PRKCE: variants seen among roughly 807,000 people sequenced by gnomAD.
PRKCE encodes protein kinase C epsilon, also known as protein kinase C epsilon type.
A neutral mutation model predicts 85.4 loss-of-function variants in PRKCE; 16 were observed. That is an observed-to-expected ratio of 0.19 (90% confidence interval 0.13 to 0.28). The LOEUF is 0.28. PRKCE is among the 10% of genes least tolerant of loss of function. PRKCE has a pLI of 1.00. For missense variants in PRKCE, 573 were observed against 975.2 expected, an observed-to-expected ratio of 0.59 and a Z score of 5.49; for synonymous variants, 388 against 371.5, an observed-to-expected ratio of 1.04 and a Z score of -0.51.
intron 2 of PRKCE, among the ~76,000 whole-genome samples, chr2:45,865,851 T>G (rs1693560881): frequency 6.9e-6 from 1 of 143,956 alleles, no homozygotes; most frequent in Admixed American, 7.2e-5. Context: ...GAGTTCTCAC[T>G]CTGTCATCCA....
chr2:45,863,780 T>C (rs1018917063), intron 2 of PRKCE, among the ~76,000 whole-genome samples: 2 of 151,892 alleles, frequency 1.3e-5, no homozygotes, highest in Non-Finnish European at 2.9e-5. Flanking sequence ...CAAGTGGTCA[T>C]GATAGCAGGC....
intron 10 of PRKCE, among the ~76,000 whole-genome samples, chr2:46,064,501 C>G (rs551741574): frequency 2.6e-5 from 4 of 152,258 alleles, no homozygotes; most frequent in African/African-American, 9.6e-5. Context: ...AAAGGACAGT[C>G]TTGGCAATAA....
Position 46,159,367 on chromosome 2 carries a change from C to T in PRKCE, c.1921-239C>T, listed in dbSNP as rs1677532729. On this transcript the variant is annotated intron_variant, in intron 13 of 14. Transcript: ENST00000306156. This position sits in a 1 kb window ranked among gnomAD's most constrained non-coding sequence, Gnocchi z 4.1. ...TAATATAGAGACAATGATAGTACCT[C>T]GTAGGGCATTAGGATGAAATGAGTT... Among the ~76,000 whole-genome samples, 1 of 152,128 alleles carries T rather than the reference C, an allele frequency of 6.6e-6. No homozygotes were observed. Among genetic ancestry groups the T allele is most frequent in the African/African-American group, 2.4e-5 (1 of 41,422 alleles).
intron 1 of PRKCE, among the ~76,000 whole-genome samples, chr2:45,728,137 A>G (rs1681245378): frequency 6.6e-6 from 1 of 152,186 alleles, no homozygotes; most frequent in South Asian, 2.1e-4. Flanking sequence ...GTGTGACTCC[A>G]CATCCTTTCA....
At chr2:45,832,746 G>C (rs775491161) in intron 1 of PRKCE, among the ~76,000 whole-genome samples, 6 of 152,106 alleles carry the variant, frequency 3.9e-5, no homozygotes, top group Non-Finnish European at 5.9e-5. Context: ...GGAAGCATTG[G>C]GTCTCCACTT....
intron 14 of PRKCE, among the ~76,000 whole-genome samples, chr2:46,168,187 A>G (rs1678536759): frequency 6.6e-6 from 1 of 152,150 alleles, no homozygotes; most frequent in Non-Finnish European, 1.5e-5. Context: ...GGGCACTTTC[A>G]TAAGCTCCTA....
intron 2 of PRKCE, among the ~76,000 whole-genome samples, chr2:45,856,913 A>G (rs1207223055): frequency 6.6e-6 from 1 of 152,192 alleles, no homozygotes; most frequent in Non-Finnish European, 1.5e-5. Flanking sequence ...ATAATATTCC[A>G]TTGTGCTGAT....
At chr2:45,989,257 G>A (rs1410097825) in intron 6 of PRKCE, among the ~76,000 whole-genome samples, 1 of 152,216 alleles carries the variant, frequency 6.6e-6, no homozygotes, top group East Asian at 1.9e-4. Context: ...CTGGCCTGGA[G>A]ATTCCTAAAG....
At chr2:46,029,203 G>A (rs1469229576) in intron 10 of PRKCE, among the ~76,000 whole-genome samples, 2 of 152,168 alleles carry the variant, frequency 1.3e-5, no homozygotes, top group African/African-American at 4.8e-5. Context: ...CTGAGAGGTG[G>A]ATATCCTGAG....
At chr2:45,906,767 A>G (rs1451067774) in intron 2 of PRKCE, among the ~76,000 whole-genome samples, 1 of 152,226 alleles carries the variant, frequency 6.6e-6, no homozygotes, top group Non-Finnish European at 1.5e-5. Flanking sequence ...AGCTCTGGGC[A>G]TCAATGTGCC....
intron 1 of PRKCE, among the ~76,000 whole-genome samples, chr2:45,704,026 A>G (rs533443138): frequency 6.6e-6 from 1 of 152,310 alleles, no homozygotes; most frequent in Non-Finnish European, 1.5e-5. Context: ...CCATTCATCT[A>G]TCCATTAACC....
At chr2:45,822,496 G>A (rs147945167) in intron 1 of PRKCE, among the ~76,000 whole-genome samples, 2 of 152,228 alleles carry the variant, frequency 1.3e-5, no homozygotes, top group Admixed American at 1.3e-4. Flanking sequence ...TCTGTTGCTG[G>A]ATGTGGACAC....
rs1434284128 is a variant in PRKCE, at chr2:45,884,978, TATATATATATA to T, written c.412+41916_412+41926del. Reference sequence around the variant, plus strand: ...CCATATATATATATATATATATATATATATATATATATATATATATATATTTGTTGTTGTTG... The same window carrying T: ...CCATATATATATATATATATATATATTATATATATATATTTGTTGTTGTTG... On this transcript the variant is annotated intron_variant, in intron 2 of 14. Transcript: ENST00000306156. 3.0e-4 allele frequency among the ~76,000 whole-genome samples: 21 copies of T among 69,216 alleles called. 4 individuals are homozygous for T. The East Asian group carries it at 0.021, about 70-fold the overall frequency. 45.4% of individuals were successfully genotyped at this position (69,216 alleles called of 152,430 possible).
At position 45,864,562 on chromosome 2, in the gene PRKCE, C is replaced by A. The variant is rs75917401; in HGVS notation, c.412+21499C>A. Among the ~76,000 whole-genome samples, 520 of 152,248 alleles carry A rather than the reference C, an allele frequency of 3.4e-3. 4 individuals carry two copies. Among genetic ancestry groups the A allele is most frequent in the African/African-American group, 0.012 (498 of 41,548 alleles). ...GAACTGAATGAACACAACTTAAGGGCTTAATGTCTTACACATTTTTATGAA... is the reference window on the plus strand; with the variant it reads ...GAACTGAATGAACACAACTTAAGGGATTAATGTCTTACACATTTTTATGAA... On this transcript the variant is annotated intron_variant, in intron 2 of 14. Transcript: ENST00000306156.
At chr2:45,886,196 G>T (rs114265030) in intron 2 of PRKCE, among the ~76,000 whole-genome samples, 126 of 152,328 alleles carry the variant, frequency 8.3e-4, no homozygotes, top group African/African-American at 2.9e-3. Context: ...ATGGTGAAGT[G>T]CTTGCAGGAC....
At position 45,751,451 on chromosome 2, in the gene PRKCE, G is replaced by C. The variant is rs138287764; in HGVS notation, c.349-91549G>C. On this transcript the variant is annotated intron_variant, in intron 1 of 14. Coordinates refer to ENST00000306156, the MANE Select transcript of PRKCE (RefSeq NM_005400.3). ...ACAGGGCCGTGTCTTGTTAATCTCT[G>C]ATCCCTACTTATATCAAGCATAGTA... Among the ~76,000 whole-genome samples, 283 of 152,206 alleles carry C rather than the reference G, an allele frequency of 1.9e-3. 2 individuals carry two copies. The highest frequency in any genetic ancestry group is 0.011 in the East Asian group (57 of 5,184).
chr2:45,684,794 C>A (rs757685262), intron 1 of PRKCE, among the ~76,000 whole-genome samples: 9 of 152,150 alleles, frequency 5.9e-5, no homozygotes, highest in Non-Finnish European at 1.2e-4. Flanking sequence ...GGGTAGTGTG[C>A]GCATCCAAGG....
At chr2:45,807,509 C>G (rs1688333457) in intron 1 of PRKCE, among the ~76,000 whole-genome samples, 1 of 152,214 alleles carries the variant, frequency 6.6e-6, no homozygotes, top group Admixed American at 6.5e-5. Flanking sequence ...TAGAAAACAG[C>G]AAAGGGTACA....
At chr2:45,923,419 T>C (rs184528933) in intron 2 of PRKCE, among the ~76,000 whole-genome samples, 1 of 152,282 alleles carries the variant, frequency 6.6e-6, no homozygotes, top group East Asian at 1.9e-4. Flanking sequence ...CAGGGTAGGG[T>C]CTGAATTTCT....
Sources: gnomAD v4.1 joint callset for allele counts (sites outside exome capture counted in the v4.1 genomes callset) on GRCh38, gnomAD v4.1.1 for gene constraint, Gnocchi (gnomAD v3.1) non-coding constraint, MANE v1.5 for transcripts, NCBI Gene and HGNC (gene_info 2026-07-23, HGNC 2026-07-21) for gene names.